PTPRS: variants seen among roughly 807,000 people sequenced by gnomAD.
The protein encoded by PTPRS is protein tyrosine phosphatase receptor type S.
Under a neutral mutation model 215.3 loss-of-function variants are expected in PTPRS, and 63 were observed. That is an observed-to-expected ratio of 0.29 (90% CI 0.24 to 0.36). The LOEUF (loss-of-function observed/expected upper bound fraction) is 0.36, where lower values mean the gene tolerates loss of function less well. PTPRS is among the 10% of genes least tolerant of loss of function. The pLI is 1.00. For synonymous variants in PTPRS, 1,404 were observed against 1,191.4 expected, an observed-to-expected ratio of 1.18 and a Z score of -3.68; for missense variants, 2,258 against 2,825.8, an observed-to-expected ratio of 0.80 and a Z score of 4.56.
rs2040556988 is a variant in PTPRS at position 5,208,377 on chromosome 19, C to G, written c.5502G>C (p.Arg1834=). 1 of 1,601,464 alleles carries G rather than the reference C, an allele frequency of 6.2e-7. No individual in the cohort carries two copies. The highest frequency in any genetic ancestry group is 1.7e-5 in the Admixed American group (1 of 58,028). The change falls in exon 36 of 38, where the codon CGG becomes CGC. Residue 1834 remains arginine (R), a synonymous_variant. Coordinates refer to ENST00000262963, the MANE Select transcript of PTPRS (RefSeq NM_002850.4). ...CTGTGAACTGGAACTGCCGGACAGT[C>G]CGGGACTGGCCATCCTAGAGTGCAG... ...KVTDARDGQS[R]TVRQFQFTDW...
rs773316652 is a variant in PTPRS, at chr19:5,245,951, C to T, written c.813G>A (p.Ser271=). 19 of 1,611,362 alleles carry T rather than the reference C, an allele frequency of 1.2e-5. No individual in the cohort carries two copies. The highest frequency in any genetic ancestry group is 4.0e-5 in the African/African-American group (3 of 74,812). ...NVNITCVAVG[S]PMPYVKWMQG... is the part of the protein sequence containing the mutation. ...GCATCCACTTCACGTATGGCATGGG[C>T]GAGCCCACGGCCACGCAGGTGATGT... The change falls in exon 10 of 38, where the codon TCG becomes TCA. Residue 271 remains serine (S), a synonymous_variant. Transcript: ENST00000262963.
intron 8 of PTPRS, 108 bp from the exon 9 acceptor site, chr19:5,256,227 G>T: frequency 1.2e-6 from 1 of 806,660 alleles, no homozygotes; most frequent in Non-Finnish European, 1.8e-6. Flanking sequence ...GCTAAAAGCT[G>T]CAATAGTTTG....
At position 5,228,345 on chromosome 19, in the gene PTPRS, G is replaced by GAAAAAAAAAAAAAAAAAAAAAA. The variant is rs1491502602; in HGVS notation, c.2376+970_2376+971insTTTTTTTTTTTTTTTTTTTTTT. Among the ~76,000 whole-genome samples the GAAAAAAAAAAAAAAAAAAAAAA allele has an allele frequency of 2.4e-4, 8 of 33,266 alleles. 1 individual carries two copies. Among genetic ancestry groups the GAAAAAAAAAAAAAAAAAAAAAA allele is most frequent in the African/African-American group, 7.6e-4 (8 of 10,514 alleles). 21.8% of individuals were successfully genotyped at this position (33,266 alleles called of 152,430 possible). ...GGGCGATAGTGTGAGACTCCGTCTG[G>GAAAAAAAAAAAAAAAAAAAAAA]AGAAAAAAAAAAAAAAAAGAGACAG... On this transcript the variant is annotated intron_variant, in intron 16 of 37. Transcript: ENST00000262963.
intron 27 of PTPRS, 35 bp downstream of exon 27, chr19:5,215,463 G>A (rs73919781): frequency 0.12 from 190,206 of 1,607,318 alleles, 12,479 homozygotes; most frequent in Admixed American, 0.27. Flanking sequence ...CTGTGAGGCC[G>A]AGGTGATGAG....
At chr19:5,300,982 G>C (rs1171053449) in intron 1 of PTPRS, among the ~76,000 whole-genome samples, 1 of 152,152 alleles carries the variant, frequency 6.6e-6, no homozygotes, top group Non-Finnish European at 1.5e-5. Flanking sequence ...GGGCAGCCAC[G>C]TTAGGGTATC....
In PTPRS at chr19:5,222,672, G is replaced by A; in HGVS notation, c.3103+17C>T. ...AGGCCCGGTCCGGCTCTGGTGCAGG[G>A]GTCGCCGCGCGCCTACCTTGGTCCC... On this transcript the variant is annotated intron_variant, in intron 18 of 37. Coordinates refer to ENST00000262963, the MANE Select transcript of PTPRS (RefSeq NM_002850.4). 8 of 1,542,498 alleles carry A rather than the reference G, an allele frequency of 5.2e-6. No homozygotes were observed. The East Asian group carries it at 1.6e-4, about 32-fold the overall frequency.
intron 1 of PTPRS, among the ~76,000 whole-genome samples, chr19:5,320,628 G>A (rs1379825134): frequency 6.6e-6 from 1 of 152,068 alleles, no homozygotes; most frequent in African/African-American, 2.4e-5. Flanking sequence ...GTTTCGCCAT[G>A]TTGATCAGGC....
chr19:5,308,166 G>C (rs2049563362), intron 1 of PTPRS, among the ~76,000 whole-genome samples: 2 of 152,218 alleles, frequency 1.3e-5, no homozygotes, highest in Admixed American at 1.3e-4. Flanking sequence ...AAGACGTGGT[G>C]TCACAGAGAT....
chr19:5,319,940 G>A (rs1186748885), intron 1 of PTPRS, among the ~76,000 whole-genome samples: 3 of 151,856 alleles, frequency 2.0e-5, no homozygotes, highest in Non-Finnish European at 2.9e-5. Context: ...GCTATATATC[G>A]TATTTTGCCT....
chr19:5,272,199 C>A (rs2046967253), intron 4 of PTPRS, among the ~76,000 whole-genome samples: 1 of 152,154 alleles, frequency 6.6e-6, no homozygotes, highest in Non-Finnish European at 1.5e-5. Context: ...TTGTAGGCGG[C>A]TGTTTGAAAT....
rs1028431119 is a variant in PTPRS at position 5,333,086 on chromosome 19, T to C, written c.-95+7578A>G. On this transcript the variant is annotated intron_variant, in intron 1 of 37. Transcript: ENST00000262963. ...ACCACTTGAACCCGGGAGGCGGAGA[T>C]TGCAGTGAGCTGAGATCACGCCGTT... Among the ~76,000 whole-genome samples, 6 of 151,432 alleles carry C rather than the reference T, an allele frequency of 4.0e-5. No individual in the cohort carries two copies. In the South Asian group the frequency reaches 8.3e-4, roughly 21 times the overall value.
chr19:5,323,742 TCCC>T (rs1021413459), intron 1 of PTPRS, among the ~76,000 whole-genome samples: 4 of 151,920 alleles, frequency 2.6e-5, no homozygotes, highest in African/African-American at 9.7e-5. Flanking sequence ...CTTGGGGTTT[TCCC>T]CCAAGAGGTG....
chr19:5,317,770 T>C (rs936577478), intron 1 of PTPRS, among the ~76,000 whole-genome samples: 5 of 152,208 alleles, frequency 3.3e-5, no homozygotes, highest in Non-Finnish European at 5.9e-5. Flanking sequence ...CCAGGTGCAG[T>C]GGTTCATGCC....
At chr19:5,315,893 G>A (rs959775748) in intron 1 of PTPRS, among the ~76,000 whole-genome samples, 17 of 148,670 alleles carry the variant, frequency 1.1e-4, no homozygotes, top group African/African-American at 3.5e-4. Context: ...AGCCTCCTGC[G>A]TAGCTGGGAC....
At chr19:5,305,613 C>T (rs1315804367) in intron 1 of PTPRS, among the ~76,000 whole-genome samples, 7 of 150,278 alleles carry the variant, frequency 4.7e-5, no homozygotes, top group African/African-American at 9.8e-5. Context: ...CCTCTAATCC[C>T]GGCACTTTGG....
chr19:5,215,730 G>T, intron 26 of PTPRS, 135 bp from the exon 27 acceptor site: 1 of 668,336 alleles, frequency 1.5e-6, no homozygotes, highest in Non-Finnish European at 2.5e-6. Context: ...GGTGGGGCTT[G>T]GCAGGAGGGG....
rs1383471440 is a variant in PTPRS, at chr19:5,229,298, G to T, written c.2376+18C>A. On this transcript the variant is annotated intron_variant, in intron 16 of 37. Transcript: ENST00000262963. ...GGAAGCGCACAGCAGTAGGTGGGTG[G>T]CCAGGGGCGCTACTTACATATTCGG... The T allele has an allele frequency of 7.2e-7, 1 of 1,379,350 alleles. No individual in the cohort carries two copies. Among genetic ancestry groups the T allele is most frequent in the Admixed American group, 3.1e-5 (1 of 32,388 alleles). The allele number at this position is 1,379,350 out of a possible 1,614,324, so 85.4% of individuals were successfully genotyped here.
chr19:5,219,864 T>C, intron 22 of PTPRS, 75 bp downstream of exon 22: 1 of 1,510,254 alleles, frequency 6.6e-7, no homozygotes, highest in Admixed American at 1.7e-5. Flanking sequence ...ACCACAGAGG[T>C]CAGGGCCCTG....
intron 12 of PTPRS, among the ~76,000 whole-genome samples, chr19:5,239,996 A>G (rs1364976762): frequency 6.6e-6 from 1 of 152,094 alleles, no homozygotes; most frequent in Non-Finnish European, 1.5e-5. Context: ...AGCAGAGGAG[A>G]AAGACAAAGG....
Sources: gnomAD v4.1 joint callset for allele counts (sites outside exome capture counted in the v4.1 genomes callset) on GRCh38, gnomAD v4.1.1 for gene constraint, MANE v1.5 for transcripts, NCBI Gene and HGNC (gene_info 2026-07-23, HGNC 2026-07-21) for gene names.